Variants in PCDHA4 observed in about 807,000 individuals in gnomAD.
The protein encoded by PCDHA4 is protocadherin alpha 4, also known as protocadherin alpha-4.
A neutral mutation model predicts 61.4 loss-of-function variants in PCDHA4; 49 were observed. That is an observed-to-expected ratio of 0.80 (90% CI 0.63 to 1.01). PCDHA4 has a LOEUF of 1.01. Among genes scored for constraint, PCDHA4 ranks in the 50% least tolerant of loss-of-function variants. The pLI is 0.00. For missense variants in PCDHA4, 1,254 were observed against 1,235.8 expected, an observed-to-expected ratio of 1.01 and a Z score of -0.22; for synonymous variants, 590 against 550.3, an observed-to-expected ratio of 1.07 and a Z score of -1.01.
chr5:140,876,185 A>AC (rs782573528), intron 1 of PCDHA4: 1 of 1,613,986 alleles, frequency 6.2e-7, no homozygotes, highest in East Asian at 2.2e-5. Context: ...GTGAATGACA[A>AC]TGGTCCGGCG....
intron 1 of PCDHA4, among the ~76,000 whole-genome samples, chr5:140,948,785 G>T (rs2094304738): frequency 6.6e-6 from 1 of 151,242 alleles, no homozygotes; most frequent in South Asian, 2.1e-4. Flanking sequence ...TTTTGGCTTT[G>T]TTGATATATT....
chr5:140,863,001 C>A, intron 1 of PCDHA4: 1 of 550,202 alleles, frequency 1.8e-6, no homozygotes, highest in South Asian at 1.4e-5. Context: ...ACGGTGGACT[C>A]CAGCTATGAC....
chr5:140,927,740 G>A (rs782665573), intron 1 of PCDHA4: 5 of 1,614,206 alleles, frequency 3.1e-6, no homozygotes, highest in Middle Eastern at 1.6e-4. Context: ...CTGCGACACC[G>A]CTTTCACGTG....
At chr5:140,823,092 C>T (rs2150122177) in intron 1 of PCDHA4, 5 of 1,614,024 alleles carry the variant, frequency 3.1e-6, no homozygotes, top group East Asian at 2.2e-5. Context: ...CCACCGCCAG[C>T]GTGTCTGTGG....
intron 1 of PCDHA4, chr5:140,824,236 A>T (rs1554129815): frequency 6.6e-7 from 1 of 1,505,494 alleles, no homozygotes; most frequent in Non-Finnish European, 9.2e-7. Flanking sequence ...GTACACAAAT[A>T]TTGTGGTACA....
intron 1 of PCDHA4, chr5:140,851,063 G>A (rs1192104512): frequency 7.3e-7 from 1 of 1,372,672 alleles, no homozygotes; most frequent in Non-Finnish European, 9.6e-7. Context: ...TTGACTTCTA[G>A]TGAGAATTAT....
chr5:140,944,316 T>C lies in PCDHA4; in HGVS notation c.2386-34633T>C, dbSNP rs140163712. On this transcript the variant is annotated intron_variant, in intron 1 of 3. Coordinates refer to ENST00000530339, the MANE Select transcript of PCDHA4 (RefSeq NM_018907.4). ...GATCCTCCTACCTCAGCCTCCTGAG[T>C]AGCTGGGATTACAAGCACGTGCCAC... 4.3e-3 allele frequency among the ~76,000 whole-genome samples: 654 copies of C among 152,070 alleles called. 5 individuals carry two copies. The highest frequency in any genetic ancestry group is 5.5e-3 in the Non-Finnish European group (376 of 67,970).
intron 1 of PCDHA4, among the ~76,000 whole-genome samples, chr5:140,938,897 G>A (rs72800999): frequency 0.012 from 1,856 of 151,306 alleles, 24 homozygotes; most frequent in Non-Finnish European, 0.018. Flanking sequence ...ACACAGATGC[G>A]CACACACACA....
chr5:140,856,169 G>C lies in PCDHA4; in HGVS notation c.2385+46597G>C, dbSNP rs200441286. ...CTCAGTCTACGAGGAGGCCAGACAC[G>C]GCACCTTCGTGGGCCGCATCGCGCA... On this transcript the variant is annotated intron_variant, in intron 1 of 3. Coordinates refer to ENST00000530339, the MANE Select transcript of PCDHA4 (RefSeq NM_018907.4). 4 of 1,598,346 alleles carry C rather than the reference G, an allele frequency of 2.5e-6. 1 individual carries two copies. Among genetic ancestry groups the C allele is most frequent in the Non-Finnish European group, 3.4e-6 (4 of 1,167,908 alleles).
In PCDHA4 at chr5:140,881,260, A is replaced by G. The variant is rs1223751140; in HGVS notation, c.2385+71688A>G. The G allele has an allele frequency of 7.6e-6, 4 of 528,232 alleles. No individual in the cohort carries two copies. In the African/African-American group the frequency reaches 8.2e-5, roughly 11 times the overall value. The allele number at this position is 528,232 out of a possible 1,614,324, so 32.7% of individuals were successfully genotyped here. On this transcript the variant is annotated intron_variant, in intron 1 of 3. Transcript: ENST00000530339. ...TTTAAATGACGGCAAGGTTTTACTC[A>G]GTGATGATGAAGTAAGATGGAGAGA... is the stretch of plus-strand genomic sequence containing the variant.
intron 1 of PCDHA4, chr5:140,850,972 T>C (rs2150504573): frequency 6.8e-7 from 1 of 1,465,332 alleles, no homozygotes; most frequent in African/African-American, 1.4e-5. Flanking sequence ...GCCGTTCAAA[T>C]AGTTTTATTC....
Position 140,843,013 on chromosome 5 carries a change from A to G in PCDHA4, c.2385+33441A>G, listed in dbSNP as rs2150350146. On this transcript the variant is annotated intron_variant, in intron 1 of 3. Coordinates refer to ENST00000530339, the MANE Select transcript of PCDHA4 (RefSeq NM_018907.4). The stretch of plus-strand genomic sequence containing the variant: ...TGGACGAGAATGACAACGCGCCGGC[A>G]CTGCTGGAGCCTCGGGTGGGTGGCA... 14 of 1,595,012 alleles carry G rather than the reference A, an allele frequency of 8.8e-6. 1 individual carries two copies. Among genetic ancestry groups the G allele is most frequent in the East Asian group, 2.2e-5 (1 of 44,830 alleles).
intron 1 of PCDHA4, chr5:140,853,528 C>A (rs75012399): frequency 0.045 from 43,855 of 978,338 alleles, 4,320 homozygotes; most frequent in Non-Finnish European, 0.05. Flanking sequence ...CCTCCTATGT[C>A]TCTTTTCAAG....
At chr5:140,870,318 G>C in intron 1 of PCDHA4, 1 of 1,614,178 alleles carries the variant, frequency 6.2e-7, no homozygotes, top group Non-Finnish European at 8.5e-7. Flanking sequence ...ATTACTACTC[G>C]TTGGTGCTGG....
chr5:140,862,550 G>A, intron 1 of PCDHA4: 2 of 458,460 alleles, frequency 4.4e-6, no homozygotes, highest in Admixed American at 2.4e-5. Flanking sequence ...GGAAGTGGCC[G>A]AACAGTGAAC....
At chr5:140,929,241 T>TG (rs2085975080) in intron 1 of PCDHA4, 1 of 1,613,878 alleles carries the variant, frequency 6.2e-7, no homozygotes. Context: ...TGCGAAATCT[T>TG]GCCACTGGGG....
chr5:140,813,995 C>G (rs1554126359), intron 1 of PCDHA4: 1 of 152,658 alleles, frequency 6.6e-6, no homozygotes, highest in African/African-American at 2.4e-5. Context: ...GAGACTCTGT[C>G]TCAATTTTTT....
intron 1 of PCDHA4, chr5:140,969,338 C>G: frequency 1.1e-5 from 18 of 1,613,914 alleles, no homozygotes; most frequent in Non-Finnish European, 1.4e-5. Context: ...TGAGGTGAGA[C>G]AGTGGTCAGG....
chr5:140,882,681 A>G, intron 1 of PCDHA4: 1 of 1,614,176 alleles, frequency 6.2e-7, no homozygotes, highest in Non-Finnish European at 8.5e-7. Context: ...GAAAGCAAGA[A>G]ACGAATAATC....
Sources: allele counts gnomAD v4.1 joint callset (sites outside exome capture counted in the v4.1 genomes callset), GRCh38; gene constraint gnomAD v4.1.1; transcripts MANE v1.5; gene names NCBI Gene and HGNC (gene_info 2026-07-23, HGNC 2026-07-21).